XRN1: variants seen among roughly 807,000 people sequenced by gnomAD.
The protein encoded by XRN1 is 5'-3' exoribonuclease 1.
XRN1 carries 67 observed loss-of-function variants against 222.3 expected under a neutral mutation model. The ratio of observed to expected loss-of-function variants is 0.30; its 90% CI spans 0.25 to 0.37. The LOEUF is 0.37. Among genes scored for constraint, XRN1 ranks in the 10% least tolerant of loss-of-function variants. The pLI, the probability that XRN1 is intolerant of heterozygous loss-of-function variation, is 1.00. For missense variants in XRN1, 1,707 were observed against 2,000.2 expected, an observed-to-expected ratio of 0.85 and a Z score of 2.80; for synonymous variants, 643 against 652.4, an observed-to-expected ratio of 0.99 and a Z score of 0.22.
Position 142,392,001 on chromosome 3 carries a change from C to T in XRN1, c.2339+5328G>A, listed in dbSNP as rs191924823. On this transcript the variant is annotated intron_variant, in intron 20 of 40. Coordinates refer to ENST00000392981, the MANE Select transcript of XRN1 (RefSeq NM_001282857.2). ...TGTCCTATAAAGTACTTCCTTGCCC[C>T]CTTTTCCAGGTCTTCTTCCATTCCT... 1.7e-4 allele frequency among the ~76,000 whole-genome samples: 26 copies of T among 152,060 alleles called. 1 individual carries two copies. Among genetic ancestry groups the T allele is most frequent in the African/African-American group, 5.5e-4 (23 of 41,486 alleles).
intron 20 of XRN1, 53 bp downstream of exon 20, chr3:142,397,276 A>T: frequency 6.8e-7 from 1 of 1,475,416 alleles, no homozygotes; most frequent in Non-Finnish European, 9.1e-7. Flanking sequence ...GAGAATGAGT[A>T]CATTAAAACG....
At chr3:142,406,262 C>T (rs1176307096) in intron 15 of XRN1, among the ~76,000 whole-genome samples, 1 of 152,132 alleles carries the variant, frequency 6.6e-6, no homozygotes, top group Non-Finnish European at 1.5e-5. Flanking sequence ...GCAAGGATTG[C>T]CTCTTCAATA....
At chr3:142,444,558 G>A (rs1227888471) in intron 1 of XRN1, among the ~76,000 whole-genome samples, 2 of 152,272 alleles carry the variant, frequency 1.3e-5, no homozygotes, top group African/African-American at 4.8e-5. Context: ...GCAGTGAGCC[G>A]AGATTGCGTC....
chr3:142,422,582 C>T lies in XRN1; in HGVS notation c.967G>A (p.Gly323Ser). 6.2e-7 allele frequency: 1 copy of T among 1,612,294 alleles called. No individual in the cohort carries two copies. ...CGAGAGATTATTAAATTCTTCTTAC[C>T]CCCAAGTTCTGGCAGGATGGTAACA... ...TYVTILPELG[G>S]YINESGHLNL... Residue 323 changes from glycine (G) to serine (S), a missense_variant and splice_region_variant, in exon 8 of 41, where the codon GGT becomes AGT. Transcript: ENST00000392981.
intron 15 of XRN1, among the ~76,000 whole-genome samples, chr3:142,410,651 C>T (rs972830229): frequency 1.1e-4 from 16 of 151,720 alleles, no homozygotes; most frequent in Non-Finnish European, 1.5e-4. Flanking sequence ...CCCACCACCA[C>T]GCCCTGCTAA....
In XRN1 at chr3:142,432,751, C is replaced by T. The variant is rs746074142; in HGVS notation, c.218G>A (p.Arg73His). Residue 73 changes from arginine (R) to histidine (H), a missense_variant, in exon 2 of 41, where the codon CGC becomes CAC. Physicochemically the swap from Arg to His is conservative, Grantham distance 29. This residue lies in a region of XRN1 where 1,234 missense variants were observed against 1,518.2 expected (regional missense o/e 0.81). Transcript: ENST00000392981. ...GAACACTTTCCTGGGTTTAATAATG[C>T]GAAACAACACCTCCAGGTAGTGAAA... ...DIFHYLEVLF[R>H]IIKPRKVFFM... The T allele has an allele frequency of 1.4e-5, 22 of 1,613,386 alleles. No homozygotes were observed. The highest frequency in any genetic ancestry group is 1.7e-4 in the Middle Eastern group (1 of 6,040).
intron 15 of XRN1, among the ~76,000 whole-genome samples, chr3:142,411,885 G>C (rs554982291): frequency 8.0e-5 from 12 of 149,984 alleles, no homozygotes; most frequent in Non-Finnish European, 1.6e-4. Context: ...GCAGTGGCGC[G>C]ATCTCGGTTC....
chr3:142,355,289 C>A, intron 32 of XRN1, 112 bp downstream of exon 32: 2 of 516,054 alleles, frequency 3.9e-6, no homozygotes, highest in Non-Finnish European at 6.2e-6. Flanking sequence ...TCAAAATTGT[C>A]ATTTTCTATT....
intron 37 of XRN1, among the ~76,000 whole-genome samples, chr3:142,319,973 C>G (rs1357924048): frequency 1.3e-5 from 2 of 152,064 alleles, no homozygotes; most frequent in African/African-American, 4.8e-5. Context: ...ATCCAATCAT[C>G]CACTGATGGA....
chr3:142,383,866 C>A (rs1013479444), intron 21 of XRN1, among the ~76,000 whole-genome samples: 2 of 151,804 alleles, frequency 1.3e-5, no homozygotes, highest in African/African-American at 4.8e-5. Context: ...AAATAAAATG[C>A]CTTTTACATT....
chr3:142,367,816 C>T (rs4404464), intron 27 of XRN1, among the ~76,000 whole-genome samples: 25,489 of 151,788 alleles, frequency 0.17, 2,409 homozygotes, highest in Admixed American at 0.22. Context: ...TGTGAGTCAC[C>T]GTGCCCAGCC....
chr3:142,323,330 C>T (rs1200004773), intron 37 of XRN1, among the ~76,000 whole-genome samples: 9 of 148,468 alleles, frequency 6.1e-5, no homozygotes, highest in African/African-American at 2.2e-4. Flanking sequence ...CTCTGTCATG[C>T]GCCACCATAC....
At position 142,407,182 on chromosome 3, in the gene XRN1, G is replaced by A. The variant is rs571069896; in HGVS notation, c.1714-2106C>T. On this transcript the variant is annotated intron_variant, in intron 15 of 40. Transcript: ENST00000392981. The stretch of plus-strand genomic sequence containing the variant: ...GTGTCTTTCTGGGGCAATAATGCCC[G>A]AACAGTGATGTTTCATCAGCATTAC... Among the ~76,000 whole-genome samples the A allele has an allele frequency of 1.7e-3, 259 of 152,274 alleles. 1 individual carries two copies. The highest frequency in any genetic ancestry group is 0.01 in the Middle Eastern group (3 of 294).
Position 142,312,609 on chromosome 3 carries a change from T to A in XRN1, c.4771A>T (p.Ile1591Leu), listed in dbSNP as rs763837800. ...ATTATTTTTCTTACCTGCAGAGGTATAAACTGATTGTGCACACCCCCTGGT... is the reference window on the plus strand; with the variant it reads ...ATTATTTTTCTTACCTGCAGAGGTAAAAACTGATTGTGCACACCCCCTGGT... ...GIPGGVHNQFIPLQVTKKRVA... is the reference protein window; with the variant it reads ...GIPGGVHNQFLPLQVTKKRVA... Residue 1591 changes from isoleucine (I) to leucine (L), a missense_variant, in exon 40 of 41, where the codon ATA (isoleucine) becomes TTA (leucine). By Grantham distance (5) the Ile-to-Leu change is conservative. Transcript: ENST00000392981. 3.7e-6 allele frequency: 6 copies of A among 1,607,342 alleles called. No individual in the cohort carries two copies. In the East Asian group the frequency reaches 1.1e-4, roughly 30 times the overall value.
chr3:142,402,845 T>C (rs1357351532), intron 18 of XRN1, among the ~76,000 whole-genome samples: 1 of 152,212 alleles, frequency 6.6e-6, no homozygotes, highest in African/African-American at 2.4e-5. Context: ...ACATTTACTA[T>C]TAATAGTTTC....
intron 15 of XRN1, among the ~76,000 whole-genome samples, chr3:142,406,256 G>A (rs377365220): frequency 2.0e-5 from 3 of 152,290 alleles, no homozygotes; most frequent in East Asian, 1.9e-4. Flanking sequence ...AACAGGGCAA[G>A]GATTGCCTCT....
intron 37 of XRN1, among the ~76,000 whole-genome samples, chr3:142,321,951 T>A (rs2107877374): frequency 6.6e-6 from 1 of 152,316 alleles, no homozygotes; most frequent in East Asian, 1.9e-4. Context: ...AGATGTCTTT[T>A]ATTTATTTAT....
Position 142,447,845 on chromosome 3 carries a change from G to C in XRN1, c.75+25C>G, listed in dbSNP as rs1201316214. ...CGGAGCCCCGGGTCCTCGGCTTTCTGAGCCGTTGCCCCTCGCTCACCCACC... is the reference window on the plus strand; with the variant it reads ...CGGAGCCCCGGGTCCTCGGCTTTCTCAGCCGTTGCCCCTCGCTCACCCACC... On this transcript the variant is annotated intron_variant, in intron 1 of 40. Transcript: ENST00000392981. The surrounding 1 kb of genome is among the most constrained non-coding windows in gnomAD (Gnocchi z 4.2). 2.5e-6 allele frequency: 4 copies of C among 1,612,266 alleles called. No individual in the cohort carries two copies. In the South Asian group the frequency reaches 3.3e-5, roughly 13 times the overall value.
intron 36 of XRN1, among the ~76,000 whole-genome samples, chr3:142,330,272 C>A (rs534176826): frequency 6.6e-6 from 1 of 152,284 alleles, no homozygotes; most frequent in African/African-American, 2.4e-5. Context: ...TCAATTCTTG[C>A]AATTCCACCT....
Sources: gnomAD v4.1 joint callset for allele counts (sites outside exome capture counted in the v4.1 genomes callset) on GRCh38, gnomAD v4.1.1 for gene constraint, gnomAD v4.1.1 regional missense constraint, Gnocchi (gnomAD v3.1) non-coding constraint, MANE v1.5 for transcripts, NCBI Gene and HGNC (gene_info 2026-07-23, HGNC 2026-07-21) for gene names.